ACSF3: variants seen among roughly 807,000 people sequenced by gnomAD.
ACSF3 encodes acyl-CoA synthetase family member 3, also known as malonate--CoA ligase ACSF3, mitochondrial.
Under a neutral mutation model 53.2 loss-of-function variants are expected in ACSF3, and 78 were observed. That is an observed-to-expected ratio of 1.47 (90% CI 1.22 to 1.77). ACSF3 has a LOEUF of 1.77. ACSF3 is among the 40% of genes most tolerant of loss of function. The pLI, the probability that ACSF3 is intolerant of heterozygous loss-of-function variation, is 0.00. For missense variants in ACSF3, 937 were observed against 771.1 expected (o/e 1.22, Z -2.55); for synonymous variants, 414 against 333.1 (o/e 1.24, Z -2.65).
Position 89,101,045 on chromosome 16 carries a change from GCAGTCCCCCTCTA to G in ACSF3, c.368_380del (p.Val123GlyfsTer30), listed in dbSNP as rs1315542621. 1 of 1,614,002 alleles carries G rather than the reference GCAGTCCCCCTCTA, an allele frequency of 6.2e-7. No individual in the cohort carries two copies. Among genetic ancestry groups the G allele is most frequent in the African/African-American group, 1.3e-5 (1 of 75,044 alleles). ...GGCGTCATGGATGAGTGGCGGTGTG[GCAGTCCCCCTCTA>G]CAGGAAGCATCCCGCGGCCCAGCTG... On this transcript the variant is annotated frameshift_variant, in exon 3 of 11. Transcript: ENST00000614302. LOFTEE classifies it high-confidence loss of function.
rs761837137 is a variant in ACSF3 at position 89,114,849 on chromosome 16, G to A, written c.1126+362G>A. 515 of 366,102 alleles carry A rather than the reference G, an allele frequency of 1.4e-3. 4 individuals carry two copies. The highest frequency in any genetic ancestry group is 5.6e-4 in the Non-Finnish European group (105 of 187,382). 22.7% of individuals were successfully genotyped at this position (366,102 alleles called of 1,614,324 possible). On this transcript the variant is annotated intron_variant, in intron 6 of 10. Transcript: ENST00000614302. ...CCAGACCACATCAGCAGTGGTGGCA[G>A]CCTCCGTCTGTCTGGAGTCCGGGTG...
chr16:89,136,547 C>T (rs781046710), intron 8 of ACSF3: 40 of 1,272,164 alleles, frequency 3.1e-5, no homozygotes, highest in Middle Eastern at 3.3e-4. Flanking sequence ...TTTCCCTGGC[C>T]AGCCCCTCCT....
At chr16:89,110,425 T>C (rs1351857588) in intron 4 of ACSF3, among the ~76,000 whole-genome samples, 1 of 152,220 alleles carries the variant, frequency 6.6e-6, no homozygotes, top group Non-Finnish European at 1.5e-5. Flanking sequence ...CTTTTCCCTA[T>C]TGGGGACTTG....
At position 89,145,960 on chromosome 16, in the gene ACSF3, G is replaced by T. The variant is rs375187216; in HGVS notation, c.1524G>T (p.Pro508=). The T allele has an allele frequency of 3.1e-6, 5 of 1,613,706 alleles. No individual in the cohort carries two copies. In the South Asian group the frequency reaches 5.5e-5, roughly 18 times the overall value. The change falls in exon 10 of 11, where the codon CCG becomes CCT. Residue 508 remains proline, a synonymous_variant. Transcript: ENST00000614302. ...SITDVAVIGV[P]DMTWGQRVTA... ...CAGATGTGGCTGTGATTGGAGTTCC[G>T]GATATGACATGGGGCCAGCGGGTCA...
chr16:89,138,321 G>A (rs1911043648), intron 8 of ACSF3, among the ~76,000 whole-genome samples: 1 of 152,182 alleles, frequency 6.6e-6, no homozygotes, highest in South Asian at 2.1e-4. Context: ...CTTTTCAGAA[G>A]CCCTGGGGCC....
intron 1 of ACSF3, among the ~76,000 whole-genome samples, chr16:89,096,557 G>A (rs1974636284): frequency 6.6e-6 from 1 of 152,212 alleles, no homozygotes. Context: ...TGAAAAGCTG[G>A]TTTGATGGGG....
chr16:89,124,433 G>T (rs373657441), intron 7 of ACSF3, among the ~76,000 whole-genome samples: 6 of 150,118 alleles, frequency 4.0e-5, no homozygotes, highest in African/African-American at 1.5e-4. Context: ...TGCACTGTGC[G>T]TATGTGTGTG....
intron 1 of ACSF3, among the ~76,000 whole-genome samples, chr16:89,094,287 CAG>C (rs1168599029): frequency 6.6e-6 from 1 of 152,180 alleles, no homozygotes; most frequent in African/African-American, 2.4e-5. Flanking sequence ...CAGGCATCCT[CAG>C]AACGAATCGT....
chr16:89,136,483 C>T lies in ACSF3; in HGVS notation c.1366+3221C>T, dbSNP rs373765429. On this transcript the variant is annotated intron_variant, in intron 8 of 10. Coordinates refer to ENST00000614302, the MANE Select transcript of ACSF3 (RefSeq NM_001243279.3). ...CTGCAATCAGCTCACAGCTGCCGCT[C>T]CTGCCGGGAGAGCATGATATTAAAT... 55 of 1,212,100 alleles carry T rather than the reference C, an allele frequency of 4.5e-5. No individual in the cohort carries two copies. The Middle Eastern group carries it at 3.3e-3, about 73-fold the overall frequency. The allele number at this position is 1,212,100 out of a possible 1,614,324, so 75.1% of individuals were successfully genotyped here.
At chr16:89,127,601 A>C (rs1437906148) in intron 7 of ACSF3, among the ~76,000 whole-genome samples, 1 of 152,088 alleles carries the variant, frequency 6.6e-6, no homozygotes, top group African/African-American at 2.4e-5. Context: ...TCCTGGCCTC[A>C]AGTGATTCTC....
intron 4 of ACSF3, among the ~76,000 whole-genome samples, chr16:89,111,117 A>T (rs1306057306): frequency 2.0e-5 from 3 of 152,104 alleles, no homozygotes; most frequent in African/African-American, 7.2e-5. Flanking sequence ...TAATCTGCTT[A>T]TTGCAGTGAT....
chr16:89,109,345 CT>C (rs1030312331), intron 4 of ACSF3, among the ~76,000 whole-genome samples: 17 of 151,082 alleles, frequency 1.1e-4, no homozygotes, highest in African/African-American at 3.4e-4. Context: ...TCTTTACGTC[CT>C]GCCAACACTT....
In ACSF3 at chr16:89,155,227, G is replaced by A; in HGVS notation, c.*1020G>A. On this transcript the variant is annotated 3_prime_UTR_variant, in exon 11 of 11. Transcript: ENST00000614302. ...GCCTCCTCCCCACAGCCTGGGGGAA[G>A]TAACAGTCATCGCCCAGCAGTGTCT... 2.2e-6 allele frequency: 1 copy of A among 454,148 alleles called. No individual in the cohort carries two copies. Among genetic ancestry groups the A allele is most frequent in the Non-Finnish European group, 4.4e-6 (1 of 226,800 alleles). 28.1% of individuals were successfully genotyped at this position (454,148 alleles called of 1,614,324 possible). A position where few individuals can be genotyped will look rare whatever the true frequency, so the allele number is the denominator to read the frequency against.
chr16:89,094,674 C>T (rs1597858817), intron 1 of ACSF3, among the ~76,000 whole-genome samples: 1 of 152,306 alleles, frequency 6.6e-6, no homozygotes, highest in South Asian at 2.1e-4. Flanking sequence ...AGGAGGATCA[C>T]TTGTGGCCAG....
At chr16:89,120,341 G>T (rs557263363) in intron 6 of ACSF3, among the ~76,000 whole-genome samples, 2 of 152,212 alleles carry the variant, frequency 1.3e-5, no homozygotes, top group African/African-American at 2.4e-5. Flanking sequence ...TTAGCCCGTC[G>T]TGTGCCGGGC....
At position 89,156,164 on chromosome 16, in the gene ACSF3, C is replaced by T. The variant is rs1461472336; in HGVS notation, c.*1957C>T. Among the ~76,000 whole-genome samples the T allele has an allele frequency of 2.0e-5, 3 of 152,212 alleles. No homozygotes were observed. The highest frequency in any genetic ancestry group is 2.1e-4 in the South Asian group (1 of 4,820). On this transcript the variant is annotated 3_prime_UTR_variant, in exon 11 of 11. Transcript: ENST00000614302. ...CCTGGTTCCCCTCTGCTCCACCAGC[C>T]GAGAACAAGCCCGTCCTGGAGGGAA... is the stretch of plus-strand genomic sequence containing the variant.
intron 8 of ACSF3, among the ~76,000 whole-genome samples, chr16:89,137,798 C>G (rs1032645419): frequency 6.6e-6 from 1 of 152,164 alleles, no homozygotes; most frequent in South Asian, 2.1e-4. Flanking sequence ...CCCCATCCCC[C>G]AAGGTTGAAC....
intron 8 of ACSF3, among the ~76,000 whole-genome samples, chr16:89,139,181 G>A (rs1331604697): frequency 2.0e-5 from 3 of 152,186 alleles, no homozygotes; most frequent in African/African-American, 7.2e-5. Flanking sequence ...CTCTTTCTTT[G>A]TTTTCCAGAG....
intron 4 of ACSF3, among the ~76,000 whole-genome samples, chr16:89,105,753 C>A (rs1391502953): frequency 6.6e-6 from 1 of 152,232 alleles, no homozygotes; most frequent in African/African-American, 2.4e-5. Context: ...GTGGACCGTG[C>A]CAGGGCGAGA....
Sources: allele counts gnomAD v4.1 joint callset (sites outside exome capture counted in the v4.1 genomes callset), GRCh38; gene constraint gnomAD v4.1.1; transcripts MANE v1.5; gene names NCBI Gene and HGNC (gene_info 2026-07-23, HGNC 2026-07-21).